Variants in AGMO observed in about 807,000 individuals in gnomAD.
The protein encoded by AGMO is glyceryl-ether monooxygenase.
Under a neutral mutation model 60.2 loss-of-function variants are expected in AGMO, and 75 were observed. That is an observed-to-expected ratio of 1.25 (90% CI 1.03 to 1.51). The LOEUF (loss-of-function observed/expected upper bound fraction) is 1.51, where lower values mean the gene tolerates loss of function less well. Ranked by LOEUF, AGMO falls within the 40% of genes most tolerant of loss-of-function variation. The pLI is 0.00. For missense variants in AGMO, 763 were observed against 525.5 expected (o/e 1.45, Z -4.42); for synonymous variants, 261 against 177.1 (o/e 1.47, Z -3.76).
At chr7:15,260,271 C>CTTT (rs919080347) in intron 12 of AGMO, among the ~76,000 whole-genome samples, 7 of 149,160 alleles carry the variant, frequency 4.7e-5, no homozygotes, top group African/African-American at 1.7e-4. Context: ...GGAGACTCAA[C>CTTT]TAACACAGAA....
At chr7:15,321,727 A>T (rs1781114072) in intron 12 of AGMO, among the ~76,000 whole-genome samples, 1 of 152,106 alleles carries the variant, frequency 6.6e-6, no homozygotes, top group Admixed American at 6.6e-5. Flanking sequence ...AAAAGAAAGA[A>T]AAAAAGAGTG....
chr7:15,364,316 A>G (rs964937868), intron 12 of AGMO, among the ~76,000 whole-genome samples: 1 of 151,934 alleles, frequency 6.6e-6, no homozygotes, highest in Non-Finnish European at 1.5e-5. Flanking sequence ...AATAAAATAC[A>G]TTTATATATT....
the AGMO span, among the ~76,000 whole-genome samples, chr7:15,137,139 T>C: frequency 7.5e-4 from 114 of 152,316 alleles, no homozygotes; most frequent in Non-Finnish European, 1.4e-3. Flanking sequence ...ATCTTAGAAT[T>C]TGAAAGCCTT....
At chr7:15,227,753 T>G (rs1279049546) in intron 12 of AGMO, among the ~76,000 whole-genome samples, 4 of 152,070 alleles carry the variant, frequency 2.6e-5, no homozygotes, top group Admixed American at 1.3e-4. Flanking sequence ...TTTCCAGACT[T>G]TTCCTTTCCT....
Position 15,447,085 on chromosome 7 carries a change from AAACAGC to A in AGMO, c.410-15983_410-15978del, listed in dbSNP as rs1781718844. Among the ~76,000 whole-genome samples the A allele has an allele frequency of 2.6e-5, 4 of 152,372 alleles. No individual in the cohort carries two copies. In the South Asian group the frequency reaches 8.3e-4, roughly 32 times the overall value. On this transcript the variant is annotated intron_variant, in intron 3 of 12. Coordinates refer to ENST00000342526, the MANE Select transcript of AGMO (RefSeq NM_001004320.2). ...GAATATTGTAGCTGAAAGGTTAGAT[AAACAGC>A]AGTAGTACTCTTTTAAGTTCCAGAC...
chr7:15,189,654 A>T, the AGMO span, among the ~76,000 whole-genome samples: 4 of 152,198 alleles, frequency 2.6e-5, no homozygotes, highest in Admixed American at 2.6e-4. Flanking sequence ...CCACTCCAGG[A>T]TCTCATCAAG....
Position 15,346,315 on chromosome 7 carries a change from G to A in AGMO, c.1263+19199C>T, listed in dbSNP as rs182840332. Among the ~76,000 whole-genome samples the A allele has an allele frequency of 7.2e-5, 11 of 152,198 alleles. No homozygotes were observed. In the East Asian group the frequency reaches 1.9e-3, roughly 27 times the overall value. ...TAATCACTCAAATTCCATTGGGAAA[G>A]AGGTAACAGCATTATTTGGTCTAGT... is the stretch of plus-strand genomic sequence containing the variant. On this transcript the variant is annotated intron_variant, in intron 12 of 12. Coordinates refer to ENST00000342526, the MANE Select transcript of AGMO (RefSeq NM_001004320.2).
At chr7:15,475,193 T>A (rs1028838990) in intron 3 of AGMO, among the ~76,000 whole-genome samples, 2 of 152,192 alleles carry the variant, frequency 1.3e-5, no homozygotes, top group African/African-American at 4.8e-5. Context: ...CATTACTGGT[T>A]ATATACCCAA....
rs188128876 is a variant in AGMO at position 15,315,813 on chromosome 7, C to T, written c.1263+49701G>A. 5.3e-5 allele frequency among the ~76,000 whole-genome samples: 8 copies of T among 152,128 alleles called. No individual in the cohort carries two copies. In the South Asian group the frequency reaches 1.2e-3, roughly 24 times the overall value. On this transcript the variant is annotated intron_variant, in intron 12 of 12. Transcript: ENST00000342526. ...GGACCATAGCAAACAATGTCCTCAA[C>T]CACATTCACAAAGAGAAAAAAACAT... is the stretch of plus-strand genomic sequence containing the variant.
intron 12 of AGMO, among the ~76,000 whole-genome samples, chr7:15,239,686 T>G (rs1330882289): frequency 6.6e-6 from 1 of 152,162 alleles, no homozygotes; most frequent in African/African-American, 2.4e-5. Context: ...GAGGATAATT[T>G]GTAAATCAAT....
chr7:15,512,608 C>T (rs1391116823), intron 3 of AGMO, among the ~76,000 whole-genome samples: 1 of 152,184 alleles, frequency 6.6e-6, no homozygotes, highest in African/African-American at 2.4e-5. Flanking sequence ...GGTTTGCCTA[C>T]ATATTTAGTT....
chr7:15,367,450 G>A (rs980910346), intron 10 of AGMO, among the ~76,000 whole-genome samples: 1 of 151,312 alleles, frequency 6.6e-6, no homozygotes, highest in African/African-American at 2.4e-5. Context: ...TCATTATATC[G>A]GCTTTATTTT....
intron 3 of AGMO, among the ~76,000 whole-genome samples, chr7:15,453,788 AGGACACAGACGTG>A (rs1283765422): frequency 6.6e-6 from 1 of 152,082 alleles, no homozygotes; most frequent in Non-Finnish European, 1.5e-5. Flanking sequence ...ACAGGTTTGG[AGGACACAGACGTG>A]GCTTCTCATC....
At chr7:15,432,365 C>CATATATATATATATAT (rs1781276049) in intron 3 of AGMO, among the ~76,000 whole-genome samples, 1 of 92,784 alleles carries the variant, frequency 1.1e-5, no homozygotes, top group African/African-American at 4.0e-5. Flanking sequence ...TATATATACA[C>CATATATATATATATAT]ACACATATAT....
chr7:15,366,616 C>G (rs1782992819), intron 10 of AGMO, among the ~76,000 whole-genome samples: 1 of 151,888 alleles, frequency 6.6e-6, no homozygotes, highest in Admixed American at 6.6e-5. Context: ...GTTTCAAATG[C>G]AAAGCTTTCT....
intron 12 of AGMO, among the ~76,000 whole-genome samples, chr7:15,317,145 A>C (rs7798262): frequency 0.031 from 4,724 of 152,166 alleles, 279 homozygotes; most frequent in African/African-American, 0.11. Context: ...TTGACTTTCA[A>C]CTTCGTAAAT....
chr7:15,239,970 C>T (rs987983124), intron 12 of AGMO, among the ~76,000 whole-genome samples: 1 of 152,112 alleles, frequency 6.6e-6, no homozygotes, highest in Non-Finnish European at 1.5e-5. Context: ...CTTGCAAATA[C>T]CTTGTTGCTT....
the AGMO span, among the ~76,000 whole-genome samples, chr7:15,138,944 T>A: frequency 6.6e-6 from 1 of 152,152 alleles, no homozygotes. Context: ...ATATATCACA[T>A]TAGTAACTTA....
the AGMO span, among the ~76,000 whole-genome samples, chr7:15,124,495 A>G: frequency 6.6e-6 from 1 of 152,016 alleles, no homozygotes; most frequent in Admixed American, 6.6e-5. Context: ...ACAGTTTTCA[A>G]TCAGGTCACT....
Sources: allele counts gnomAD v4.1 joint callset (sites outside exome capture counted in the v4.1 genomes callset), GRCh38; gene constraint gnomAD v4.1.1; transcripts MANE v1.5; gene names NCBI Gene and HGNC (gene_info 2026-07-23, HGNC 2026-07-21).